Variants in SMTNL1 observed in about 807,000 individuals in gnomAD.
SMTNL1 encodes smoothelin like 1, also known as smoothelin-like protein 1.
In SMTNL1, 41 loss-of-function variants were observed where a neutral mutation model predicts 46.6. The observed-to-expected ratio is 0.88, with a 90% CI of 0.69 to 1.14. The LOEUF is 1.14. Among genes scored for constraint, SMTNL1 ranks in the 50% most tolerant of loss-of-function variants. The probability of loss-of-function intolerance (pLI) is 0.00; values close to 1 mark genes in which losing one functional copy is unlikely to be tolerated. For synonymous variants in SMTNL1, 234 were observed against 234.2 expected (o/e 1.00, Z 0.01); for missense variants, 591 against 626.1 (o/e 0.94, Z 0.60).
rs1157713764 is a variant in SMTNL1 at position 57,546,590 on chromosome 11, C to G, written c.1278C>G (p.Asp426Glu). ...LIHKFFPDAF[D>E]YAELDPAKRR... Reference sequence around the variant, plus strand: ...ACAAGTTCTTCCCTGACGCCTTTGACTACGCAGAGCTGGATCCCGCAAAGC... The same window carrying G: ...ACAAGTTCTTCCCTGACGCCTTTGAGTACGCAGAGCTGGATCCCGCAAAGC... Residue 426 changes from aspartate (D) to glutamate (E), a missense_variant, in exon 7 of 8, where the codon GAC becomes GAG. Asp to Glu is a conservative substitution (Grantham distance 45). Transcript: ENST00000527972. 4 of 1,613,982 alleles carry G rather than the reference C, an allele frequency of 2.5e-6. No homozygotes were observed. Among genetic ancestry groups the G allele is most frequent in the Non-Finnish European group, 2.5e-6 (3 of 1,179,952 alleles).
At position 57,541,409 on chromosome 11, in the gene SMTNL1, C is replaced by G. The variant is rs577349424; in HGVS notation, c.-2-1232C>G. ...CAAAAAGGGCAGGAGCATGAAGGAG[C>G]TAACCCGGGGCCCCCACACACCTGT... On this transcript the variant is annotated intron_variant, in intron 1 of 7. Coordinates refer to ENST00000527972, the MANE Select transcript of SMTNL1 (RefSeq NM_001105565.3). The G allele has an allele frequency of 2.0e-4, 223 of 1,129,430 alleles. 1 individual carries two copies. In the South Asian group the frequency reaches 3.0e-3, roughly 15 times the overall value. The allele number at this position is 1,129,430 out of a possible 1,614,324, so 70.0% of individuals were successfully genotyped here. A position where few individuals can be genotyped will look rare whatever the true frequency, so the allele number is the denominator to read the frequency against.
At chr11:57,539,666 A>G (rs1944857909) in intron 1 of SMTNL1, among the ~76,000 whole-genome samples, 1 of 152,080 alleles carries the variant, frequency 6.6e-6, no homozygotes, top group African/African-American at 2.4e-5. Flanking sequence ...TGTAGTGGCT[A>G]TTCATAGGCA....
chr11:57,543,740 G>A lies in SMTNL1; in HGVS notation c.849G>A (p.Gly283=), dbSNP rs867461286. 5.1e-6 allele frequency: 8 copies of A among 1,562,252 alleles called. No homozygotes were observed. Among genetic ancestry groups the A allele is most frequent in the Middle Eastern group, 3.3e-4 (2 of 6,004 alleles). ...EEWPESPTGE[G]HNLSTDGLGP... is the part of the protein sequence containing the mutation. Reference sequence around the variant, plus strand: ...GGCCTGAGAGCCCCACTGGGGAGGGGCACAACCTCAGCACAGGTGAGTGAG... The same window carrying A: ...GGCCTGAGAGCCCCACTGGGGAGGGACACAACCTCAGCACAGGTGAGTGAG... The change falls in exon 3 of 8, where the codon GGG becomes GGA. Residue 283 remains glycine, a synonymous_variant. Transcript: ENST00000527972.
In SMTNL1 at chr11:57,546,271, A is replaced by C. The variant is rs1246295700; in HGVS notation, c.1112A>C (p.Lys371Thr). Residue 371 changes from lysine (K) to threonine (T), a missense_variant, in exon 6 of 8, where the codon AAG becomes ACG. By Grantham distance (78) the Lys-to-Thr change is moderately conservative (BLOSUM62 -1). Coordinates refer to ENST00000527972, the MANE Select transcript of SMTNL1 (RefSeq NM_001105565.3). ...SGPTALFRNT[K>T]AAGAAIGGVK... ...CCCACGGCCTTGTTCCGCAACACTA[A>C]GGCAGCCGGGGCAGCCATTGGTGGT... 1.2e-6 allele frequency: 2 copies of C among 1,610,176 alleles called. No individual in the cohort carries two copies. Among genetic ancestry groups the C allele is most frequent in the Non-Finnish European group, 1.7e-6 (2 of 1,178,542 alleles).
intron 4 of SMTNL1, 121 bp from the exon 5 acceptor site, chr11:57,545,760 A>G: frequency 2.1e-6 from 2 of 938,960 alleles, no homozygotes; most frequent in South Asian, 3.5e-5. Context: ...AGTGCTGGGC[A>G]CAGCTGCACA....
rs937579950 is a variant in SMTNL1 at position 57,543,318 on chromosome 11, C to G, written c.676C>G (p.His226Asp). ...KEPDGKEEAK[H>D]GAKEEADAKE... ...GCCCGATGGGAAAGAGGAGGCCAAA[C>G]ATGGTGCAAAAGAGGAGGCTGATGC... Residue 226 changes from histidine to aspartate, a missense_variant, in exon 2 of 8, where the codon CAT becomes GAT. Coordinates refer to ENST00000527972, the MANE Select transcript of SMTNL1 (RefSeq NM_001105565.3). The G allele has an allele frequency of 1.2e-6, 2 of 1,613,960 alleles. No individual in the cohort carries two copies. The highest frequency in any genetic ancestry group is 2.7e-5 in the African/African-American group (2 of 75,048).
intron 1 of SMTNL1, among the ~76,000 whole-genome samples, chr11:57,538,206 T>C (rs1416786335): frequency 1.3e-5 from 2 of 152,106 alleles, no homozygotes; most frequent in African/African-American, 4.8e-5. Flanking sequence ...GGCCCCTGGC[T>C]GAGTGGGGAA....
chr11:57,543,503 A>AG lies in SMTNL1; in HGVS notation c.733-115dup, dbSNP rs1256208094. 4.0e-5 allele frequency: 61 copies of AG among 1,508,536 alleles called. No homozygotes were observed. In the African/African-American group the frequency reaches 7.5e-4, roughly 19 times the overall value. 93.4% of individuals were successfully genotyped at this position (1,508,536 alleles called of 1,614,324 possible). ...TGATTTCCAGAGCCCAGGGTGGGGG[A>AG]GGGGGGACAAGGAGTGCAGCACCGT... On this transcript the variant is annotated intron_variant, in intron 2 of 7. Coordinates refer to ENST00000527972, the MANE Select transcript of SMTNL1 (RefSeq NM_001105565.3).
chr11:57,543,172 A>G lies in SMTNL1; in HGVS notation c.530A>G (p.Glu177Gly). The change falls in exon 2 of 8, where the codon GAG becomes GGG. Residue 177 changes from glutamate (E) to glycine (G), a missense_variant. Transcript: ENST00000527972. ...EEEDAKTASQ[E>G]ETGQRKECST... ...GAGGACGCCAAGACAGCCTCTCAGG[A>G]GGAGACAGGCCAGAGGAAAGAGTGC... is the stretch of plus-strand genomic sequence containing the variant. 1 of 1,613,822 alleles carries G rather than the reference A, an allele frequency of 6.2e-7. No homozygotes were observed. Among genetic ancestry groups the G allele is most frequent in the Non-Finnish European group, 8.5e-7 (1 of 1,179,786 alleles).
intron 5 of SMTNL1, 80 bp downstream of exon 5, chr11:57,546,116 G>A (rs565543639): frequency 4.0e-6 from 6 of 1,516,486 alleles, no homozygotes; most frequent in Non-Finnish European, 4.4e-6. Flanking sequence ...AGGGGCAGTG[G>A]GAACAGCCCA....
rs1018337952 is a variant in SMTNL1, at chr11:57,537,649, G to A, written c.-3+7G>A. ...ACAGGCAGAAGCCCCACAGGTAGGA[G>A]AAGCCCTGGCACCCTTTCTAAGGGT... On this transcript the variant is annotated splice_region_variant and intron_variant, in intron 1 of 7. Transcript: ENST00000527972. 2.6e-5 allele frequency among the ~76,000 whole-genome samples: 4 copies of A among 152,228 alleles called. No homozygotes were observed. The highest frequency in any genetic ancestry group is 9.6e-5 in the African/African-American group (4 of 41,466).
In SMTNL1 at chr11:57,546,250, C is replaced by T. The variant is rs768055258; in HGVS notation, c.1091C>T (p.Thr364Met). 34 of 1,604,724 alleles carry T rather than the reference C, an allele frequency of 2.1e-5. No individual in the cohort carries two copies. The highest frequency in any genetic ancestry group is 4.5e-5 in the East Asian group (2 of 44,476). Residue 364 changes from threonine (T) to methionine (M), a missense_variant, in exon 6 of 8, where the codon ACG (threonine) becomes ATG (methionine). Transcript: ENST00000527972. ...CCTCACAGGGCAGCTTCCGGCCCCACGGCCTTGTTCCGCAACACTAAGGCA... is the reference window on the plus strand; with the variant it reads ...CCTCACAGGGCAGCTTCCGGCCCCATGGCCTTGTTCCGCAACACTAAGGCA... ...DKFGGAASGP[T>M]ALFRNTKAAG...
chr11:57,541,887 A>G (rs1243505324), intron 1 of SMTNL1, among the ~76,000 whole-genome samples: 1 of 152,158 alleles, frequency 6.6e-6, no homozygotes, highest in Admixed American at 6.5e-5. Context: ...TGGAAACAAA[A>G]TGGTGTTATT....
intron 4 of SMTNL1, among the ~76,000 whole-genome samples, chr11:57,544,767 C>T (rs1944908670): frequency 6.6e-6 from 1 of 152,096 alleles, no homozygotes; most frequent in Non-Finnish European, 1.5e-5. Flanking sequence ...GAGGCTTATG[C>T]TTGCCATTGC....
chr11:57,545,934 GGGAGAAGAA>G lies in SMTNL1; in HGVS notation c.979_987del (p.Lys327_Lys329del), dbSNP rs1270221089. 2.5e-6 allele frequency: 4 copies of G among 1,613,578 alleles called. No homozygotes were observed. Among genetic ancestry groups the G allele is most frequent in the Non-Finnish European group, 3.4e-6 (4 of 1,179,790 alleles). ...AGTCCCCCTGAGTCCCCTTCCTCAG[GGGAGAAGAA>G]GGAGAAGGCACCAGAGCGCAGGGTA... is the stretch of plus-strand genomic sequence containing the variant. On this transcript the variant is annotated inframe_deletion, in exon 5 of 8. Coordinates refer to ENST00000527972, the MANE Select transcript of SMTNL1 (RefSeq NM_001105565.3).
intron 1 of SMTNL1, among the ~76,000 whole-genome samples, chr11:57,540,532 A>G (rs897306560): frequency 6.6e-6 from 1 of 152,118 alleles, no homozygotes; most frequent in Non-Finnish European, 1.5e-5. Context: ...CACAGAACAC[A>G]ATGTGGAGAA....
chr11:57,540,127 T>C (rs1944861732), intron 1 of SMTNL1, among the ~76,000 whole-genome samples: 1 of 152,134 alleles, frequency 6.6e-6, no homozygotes, highest in Admixed American at 6.5e-5. Flanking sequence ...AAAAAAGTCA[T>C]GGTCAAATAG....
Position 57,545,934 on chromosome 11 carries a change from G to C in SMTNL1, c.971G>C (p.Gly324Ala). Residue 324 changes from glycine to alanine, a missense_variant, in exon 5 of 8, where the codon GGG becomes GCG. Coordinates refer to ENST00000527972, the MANE Select transcript of SMTNL1 (RefSeq NM_001105565.3). Reference protein sequence around the residue: ...PQSPPESPSSGEKKEKAPERR... With the variant: ...PQSPPESPSSAEKKEKAPERR... ...AGTCCCCCTGAGTCCCCTTCCTCAG[G>C]GGAGAAGAAGGAGAAGGCACCAGAG... The C allele has an allele frequency of 6.2e-7, 1 of 1,613,696 alleles. No homozygotes were observed. Among genetic ancestry groups the C allele is most frequent in the Middle Eastern group, 1.7e-4 (1 of 6,060 alleles).
chr11:57,543,429 C>A lies in SMTNL1; in HGVS notation c.732+55C>A, dbSNP rs562637948. ...CTCTGTCGTCTCCTGCTTCTGGAAG[C>A]AAGCCCCCTCTGCTTCAGTCAGTTG... On this transcript the variant is annotated intron_variant, in intron 2 of 7. Transcript: ENST00000527972. 11 of 1,576,994 alleles carry A rather than the reference C, an allele frequency of 7.0e-6. No individual in the cohort carries two copies. In the South Asian group the frequency reaches 1.3e-4, roughly 19 times the overall value.
Sources: allele counts gnomAD v4.1 joint callset (sites outside exome capture counted in the v4.1 genomes callset), GRCh38; gene constraint gnomAD v4.1.1; transcripts MANE v1.5; gene names NCBI Gene and HGNC (gene_info 2026-07-23, HGNC 2026-07-21).